Variants in ZNF804B observed in about 807,000 individuals in gnomAD.
The protein encoded by ZNF804B is zinc finger 804B.
A neutral mutation model predicts 101.4 loss-of-function variants in ZNF804B; 80 were observed. The ratio of observed to expected loss-of-function variants is 0.79; its 90% confidence interval spans 0.66 to 0.95. ZNF804B has a LOEUF of 0.95. ZNF804B is among the 40% of genes least tolerant of loss of function. ZNF804B has a pLI of 0.00. For synonymous variants in ZNF804B, 622 were observed against 558.8 expected (o/e 1.11, Z -1.59); for missense variants, 1,673 against 1,561.9 (o/e 1.07, Z -1.20).
At chr7:89,252,150 CTG>C (rs1033741508) in intron 2 of ZNF804B, among the ~76,000 whole-genome samples, 7 of 152,116 alleles carry the variant, frequency 4.6e-5, no homozygotes, top group Non-Finnish European at 7.4e-5. Context: ...TATTCGCAAA[CTG>C]TGCATCCAAC....
intron 1 of ZNF804B, among the ~76,000 whole-genome samples, chr7:88,816,370 A>G (rs907821119): frequency 2.2e-4 from 34 of 152,334 alleles, no homozygotes; most frequent in Middle Eastern, 3.4e-3. Flanking sequence ...ACAAAAGTCA[A>G]AATTGACAAA....
chr7:89,193,775 G>A (rs918583938), intron 1 of ZNF804B, among the ~76,000 whole-genome samples: 2 of 151,936 alleles, frequency 1.3e-5, no homozygotes, highest in South Asian at 2.1e-4. Flanking sequence ...ATAAACATAC[G>A]TGTGCATGTG....
intron 1 of ZNF804B, among the ~76,000 whole-genome samples, chr7:89,205,033 G>A (rs754746665): frequency 7.9e-5 from 12 of 152,144 alleles, no homozygotes; most frequent in Non-Finnish European, 1.0e-4. Flanking sequence ...GACGAAAGGC[G>A]AATGAGGAGC....
chr7:89,024,820 G>C (rs921728680), intron 1 of ZNF804B, among the ~76,000 whole-genome samples: 1 of 151,666 alleles, frequency 6.6e-6, no homozygotes, highest in Non-Finnish European at 1.5e-5. Context: ...GAAGATTCTC[G>C]CATGTTAAAA....
intron 1 of ZNF804B, among the ~76,000 whole-genome samples, chr7:89,156,009 TTC>T (rs1192504410): frequency 8.4e-6 from 1 of 118,518 alleles, no homozygotes; most frequent in East Asian, 2.1e-4. Context: ...CTTTCTTTCT[TTC>T]TCTCTTTCCT....
At position 88,867,402 on chromosome 7, in the gene ZNF804B, G is replaced by C. The variant is rs186953848; in HGVS notation, c.108+107318G>C. On this transcript the variant is annotated intron_variant, in intron 1 of 3. Transcript: ENST00000333190. ...CAGAGTCCAAAGACCAGAGAACCTG[G>C]AGTTTTAATATCCAGGGGCAGGAGA... is the stretch of plus-strand genomic sequence containing the variant. 2.6e-5 allele frequency among the ~76,000 whole-genome samples: 4 copies of C among 152,328 alleles called. No individual in the cohort carries two copies. In the East Asian group the frequency reaches 7.7e-4, roughly 29 times the overall value.
intron 1 of ZNF804B, among the ~76,000 whole-genome samples, chr7:88,882,305 A>T (rs1420366717): frequency 1.3e-5 from 2 of 152,182 alleles, no homozygotes; most frequent in African/African-American, 4.8e-5. Flanking sequence ...GAGAAATGCA[A>T]ATTAAAACCA....
intron 1 of ZNF804B, among the ~76,000 whole-genome samples, chr7:89,058,092 T>G (rs1789324467): frequency 6.6e-6 from 1 of 152,108 alleles, no homozygotes; most frequent in South Asian, 2.1e-4. Context: ...AGCAGCCCAT[T>G]TCATTAACTT....
Position 89,119,970 on chromosome 7 carries a change from T to A in ZNF804B, c.109-98185T>A, listed in dbSNP as rs910365462. 2.5e-3 allele frequency among the ~76,000 whole-genome samples: 53 copies of A among 20,918 alleles called. No homozygotes were observed. In the African/African-American group the frequency reaches 0.031, roughly 12 times the overall value. The allele number at this position is 20,918 out of a possible 152,430, so 13.7% of individuals were successfully genotyped here. ...GTAGCACCTTTTTTTATCTAAATAT[T>A]TTTTTTTTTAATGGAGCAGACATAG... is the stretch of plus-strand genomic sequence containing the variant. On this transcript the variant is annotated intron_variant, in intron 1 of 3. Transcript: ENST00000333190.
chr7:88,936,548 C>T (rs1792973942), intron 1 of ZNF804B, among the ~76,000 whole-genome samples: 1 of 151,960 alleles, frequency 6.6e-6, no homozygotes, highest in African/African-American at 2.4e-5. Context: ...TAGGAGAAAT[C>T]AATGGGCCCA....
At chr7:88,885,258 C>CTTTT (rs1792108961) in intron 1 of ZNF804B, among the ~76,000 whole-genome samples, 1 of 151,602 alleles carries the variant, frequency 6.6e-6, no homozygotes, top group African/African-American at 2.4e-5. Context: ...ATAAAAATGT[C>CTTTT]CTTTGTTTTT....
In ZNF804B at chr7:89,326,197, T is replaced by C. The variant is rs151274181; in HGVS notation, c.250-1147T>C. 2.3e-3 allele frequency among the ~76,000 whole-genome samples: 357 copies of C among 152,186 alleles called. 2 individuals carry two copies. The highest frequency in any genetic ancestry group is 8.3e-3 in the African/African-American group (346 of 41,558). ...TGAATTCAGGTTGAGTCCACTGTTC[T>C]CCCTGTAGCTGTTTCTAATTCCGTG... On this transcript the variant is annotated intron_variant, in intron 2 of 3. Transcript: ENST00000333190.
intron 1 of ZNF804B, among the ~76,000 whole-genome samples, chr7:89,101,925 T>C (rs1790061529): frequency 6.6e-6 from 1 of 151,964 alleles, no homozygotes; most frequent in African/African-American, 2.4e-5. Context: ...TGTGTGCCCT[T>C]TGTTTAGCTC....
At chr7:89,308,647 A>G (rs1790602914) in intron 2 of ZNF804B, among the ~76,000 whole-genome samples, 1 of 152,194 alleles carries the variant, frequency 6.6e-6, no homozygotes, top group Non-Finnish European at 1.5e-5. Context: ...TAAGGTATAC[A>G]AATGTGGAAC....
At chr7:89,072,600 A>G (rs1789558253) in intron 1 of ZNF804B, among the ~76,000 whole-genome samples, 1 of 152,126 alleles carries the variant, frequency 6.6e-6, no homozygotes, top group Non-Finnish European at 1.5e-5. Flanking sequence ...TAAGTTGTAT[A>G]AAAATAACAG....
intron 1 of ZNF804B, among the ~76,000 whole-genome samples, chr7:88,838,060 A>G (rs1462349071): frequency 6.6e-6 from 1 of 151,818 alleles, no homozygotes; most frequent in Non-Finnish European, 1.5e-5. Context: ...GGGATTTTCA[A>G]TTAATTTCAG....
chr7:89,184,647 A>T (rs17309234), intron 1 of ZNF804B, among the ~76,000 whole-genome samples: 36,865 of 152,000 alleles, frequency 0.24, 4,652 homozygotes, highest in Non-Finnish European at 0.27. Flanking sequence ...TTGATCACTG[A>T]TTTCTGTTGT....
intron 1 of ZNF804B, among the ~76,000 whole-genome samples, chr7:89,063,537 A>G (rs1174298013): frequency 2.6e-5 from 4 of 151,582 alleles, no homozygotes; most frequent in Admixed American, 2.6e-4. Flanking sequence ...TAATTATTAG[A>G]GAGAGAAACT....
chr7:88,849,139 G>C (rs1791415749), intron 1 of ZNF804B, among the ~76,000 whole-genome samples: 3 of 152,016 alleles, frequency 2.0e-5, no homozygotes, highest in Admixed American at 2.0e-4. Context: ...CAATTTTCTT[G>C]GGTATGTACA....
Sources: gnomAD v4.1 joint callset for allele counts (sites outside exome capture counted in the v4.1 genomes callset) on GRCh38, gnomAD v4.1.1 for gene constraint, MANE v1.5 for transcripts, NCBI Gene and HGNC (gene_info 2026-07-23, HGNC 2026-07-21) for gene names.